The following TTN variants were observed in gnomAD, a reference collection of about 807,000 sequenced individuals.
TTN encodes titin, also known as connectin.
Under a neutral mutation model 3,223.0 loss-of-function variants are expected in TTN, and 1,525 were observed. The ratio of observed to expected loss-of-function variants is 0.47; its 90% CI spans 0.45 to 0.49. TTN has a LOEUF of 0.49. TTN is among the 20% of genes least tolerant of loss of function. The pLI, the probability that TTN is intolerant of heterozygous loss-of-function variation, is 0.00. For missense variants in TTN, 40,786 were observed against 43,424.0 expected, an observed-to-expected ratio of 0.94 and a Z score of 5.40; for synonymous variants, 14,094 against 15,161.0, an observed-to-expected ratio of 0.93 and a Z score of 5.17.
rs1454914517 is a variant in TTN at position 178,696,249 on chromosome 2, A to G, written c.30823T>C (p.Ser10275Pro). 4 of 1,548,806 alleles carry G rather than the reference A, an allele frequency of 2.6e-6. No individual in the cohort carries two copies. The South Asian group carries it at 3.7e-5, about 14-fold the overall frequency. Residue 10275 changes from serine (S) to proline (P), a missense_variant, in exon 114 of 363, where the codon TCC becomes CCC. Coordinates refer to ENST00000589042, the MANE Select transcript of TTN (RefSeq NM_001267550.2). ...ATTTTTACTTCTTCAGCTTTAGAGGATACATCAATGATTTCAGGAGCTAAA... is the reference window on the plus strand; with the variant it reads ...ATTTTTACTTCTTCAGCTTTAGAGGGTACATCAATGATTTCAGGAGCTAAA... ...PAKAPEIIDV[S>P]SKAEEVKIMT... is the part of the protein sequence containing the mutation.
Position 178,534,076 on chromosome 2 carries a change from C to T in TTN, c.102539G>A (p.Ser34180Asn), listed in dbSNP as rs1254821683. Residue 34180 changes from serine to asparagine, a missense_variant, in exon 358 of 363, where the codon AGT becomes AAT. By Grantham distance (46) the Ser-to-Asn change is conservative. Coordinates refer to ENST00000589042, the MANE Select transcript of TTN (RefSeq NM_001267550.2). ...TTCGTAGGTGATTTCGTATTTCTCA[C>T]TGTTCTCCAGCTGTCGGACGCCAAA... ...WYFGVRQLEN[S>N]EKYEITYEDG... 2.5e-6 allele frequency: 4 copies of T among 1,613,964 alleles called. No homozygotes were observed. The Admixed American group carries it at 6.7e-5, about 27-fold the overall frequency.
rs984744354 is a variant in TTN, at chr2:178,570,797, C to G, written c.75335G>C (p.Ser25112Thr). 1 of 1,613,556 alleles carries G rather than the reference C, an allele frequency of 6.2e-7. No homozygotes were observed. Among genetic ancestry groups the G allele is most frequent in the Admixed American group, 1.7e-5 (1 of 59,990 alleles). ...ARDEVDPPRI[S>T]MDPKYKDTIV... ...TGTGTCTTTGTATTTTGGATCCATA[C>G]TTATTCGTGGTGGATCTACCTCATC... Residue 25112 changes from serine (S) to threonine (T), a missense_variant, in exon 326 of 363, where the codon AGT (serine) becomes ACT (threonine). Ser to Thr is a moderately conservative substitution (Grantham distance 58). Transcript: ENST00000589042.
intron 208 of TTN, 76 bp downstream of exon 208, chr2:178,651,167 A>G: frequency 8.0e-7 from 1 of 1,254,448 alleles, no homozygotes; most frequent in Non-Finnish European, 1.1e-6. Flanking sequence ...GGACTCGCAA[A>G]CAAAAGGTTT....
At position 178,641,300 on chromosome 2, in the gene TTN, G is replaced by T. The variant is rs868031591; in HGVS notation, c.40574C>A (p.Pro13525His). The change falls in exon 220 of 363, where the codon CCT becomes CAT. Residue 13525 changes from proline (P) to histidine (H), a missense_variant. Transcript: ENST00000589042. ...VVLKSVLRKRPEEEEPKVEPK... is the reference protein window; with the variant it reads ...VVLKSVLRKRHEEEEPKVEPK... ...TTCTACTTTAGGTTCTTCTTCTTCA[G>T]GTCTTTTTCTTAGAACTTTAAAGAC... is the stretch of plus-strand genomic sequence containing the variant. 1.3e-6 allele frequency: 2 copies of T among 1,497,672 alleles called. No homozygotes were observed. The highest frequency in any genetic ancestry group is 5.0e-5 in the East Asian group (2 of 39,612). The allele number at this position is 1,497,672 out of a possible 1,614,324, so 92.8% of individuals were successfully genotyped here.
intron 45 of TTN, 137 bp from the exon 46 acceptor site, chr2:178,756,934 G>T: frequency 1.3e-6 from 1 of 760,202 alleles, no homozygotes; most frequent in Non-Finnish European, 2.1e-6. Context: ...CATGCCAGAT[G>T]CAATATGATC....
rs370563246 is a variant in TTN, at chr2:178,554,067, T to G, written c.89044A>C (p.Lys29682Gln). Residue 29682 changes from lysine (K) to glutamine (Q), a missense_variant, in exon 333 of 363, where the codon AAA becomes CAA. By Grantham distance (53) the Lys-to-Gln change is moderately conservative. Transcript: ENST00000589042. ...TCACGGATAGTCTCTTTTAGTACTT[T>G]AAACCATCCTAGGCTCTTCTTGTCT... is the stretch of plus-strand genomic sequence containing the variant. The part of the protein sequence containing the change: ...KRDKKSLGWF[K>Q]VLKETIRDTR... The G allele has an allele frequency of 1.9e-5, 30 of 1,613,742 alleles. No homozygotes were observed. Among genetic ancestry groups the G allele is most frequent in the Non-Finnish European group, 2.5e-5 (30 of 1,179,816 alleles).
In TTN at chr2:178,634,733, C is replaced by T; in HGVS notation, c.42141G>A (p.Leu14047=). Residue 14047 remains leucine (L), a synonymous_variant, in exon 229 of 363, where the codon TTG becomes TTA. Transcript: ENST00000589042. The surrounding 1 kb of genome is among the most constrained non-coding windows in gnomAD (Gnocchi z 4.6). ...CTAAAAGCCCCATACCTTTTACTGT[C>T]AAAATGGCAGTTGTAATTGCATTAA... ...QALNAITTAI[L]TVKEIELDFA... The T allele has an allele frequency of 6.2e-7, 1 of 1,613,004 alleles. No individual in the cohort carries two copies. The highest frequency in any genetic ancestry group is 8.5e-7 in the Non-Finnish European group (1 of 1,179,368).
In TTN at chr2:178,722,855, C is replaced by T. The variant is rs1578033219; in HGVS notation, c.22044G>A (p.Gly7348=). The T allele has an allele frequency of 1.9e-6, 3 of 1,613,148 alleles. No individual in the cohort carries two copies. The highest frequency in any genetic ancestry group is 2.7e-5 in the African/African-American group (2 of 74,992). The part of the protein sequence containing the change: ...DSVSLQCQVA[G]TPEITVSWYK... ...ACCAAGACACTGTAATTTCTGGTGT[C>T]CCAGCAACTTGGCATTGTAAAGAAA... Residue 7348 remains glycine (G), a synonymous_variant, in exon 76 of 363, where the codon GGG becomes GGA. Coordinates refer to ENST00000589042, the MANE Select transcript of TTN (RefSeq NM_001267550.2).
intron 292 of TTN, 106 bp downstream of exon 292, chr2:178,598,400 G>A: frequency 7.4e-7 from 1 of 1,357,490 alleles, no homozygotes; most frequent in Non-Finnish European, 1.0e-6. Flanking sequence ...CTATTTTCCT[G>A]ATTTCTTAAT....
intron 33 of TTN, chr2:178,772,879 T>C (rs1258226562): frequency 5.3e-6 from 3 of 568,214 alleles, no homozygotes; most frequent in Non-Finnish European, 9.3e-6. Flanking sequence ...CATATACAAA[T>C]GGAGAGATTA....
At position 178,534,202 on chromosome 2, in the gene TTN, A is replaced by G. The variant is rs761112704; in HGVS notation, c.102413T>C (p.Val34138Ala). The change falls in exon 358 of 363, where the codon GTT becomes GCT. Residue 34138 changes from valine to alanine, a missense_variant. Coordinates refer to ENST00000589042, the MANE Select transcript of TTN (RefSeq NM_001267550.2). ...AACTGCATGCATTATCTGCCCAGAA[A>G]CTGGGCCAATTTCAATGGATGCCAC... Reference protein sequence around the residue: ...VKVASIEIGPVSGQIMHAVGE... With the variant: ...VKVASIEIGPASGQIMHAVGE... 1.2e-6 allele frequency: 2 copies of G among 1,613,978 alleles called. No homozygotes were observed. The highest frequency in any genetic ancestry group is 8.5e-7 in the Non-Finnish European group (1 of 1,179,858).
Position 178,551,659 on chromosome 2 carries a change from C to T in TTN, c.91241G>A (p.Ser30414Asn), listed in dbSNP as rs1699490262. The T allele has an allele frequency of 1.9e-6, 3 of 1,592,724 alleles. No homozygotes were observed. Among genetic ancestry groups the T allele is most frequent in the Non-Finnish European group, 8.6e-7 (1 of 1,168,244 alleles). Residue 30414 changes from serine (S) to asparagine (N), a missense_variant, in exon 335 of 363, where the codon AGC becomes AAC. Physicochemically the swap from Ser to Asn is conservative, Grantham distance 46 (BLOSUM62 1). Coordinates refer to ENST00000589042, the MANE Select transcript of TTN (RefSeq NM_001267550.2). ...SAGLSSPSDP[S>N]KFTLAVSPVD... ...TGGAGAAACAGCTAAGGTAAATTTGCTTGGGTCACTAGGTGAGCTTAGGCC... is the reference window on the plus strand; with the variant it reads ...TGGAGAAACAGCTAAGGTAAATTTGTTTGGGTCACTAGGTGAGCTTAGGCC...
Position 178,750,929 on chromosome 2 carries a change from T to C in TTN, c.11311+2195A>G, listed in dbSNP as rs760284707. On this transcript the variant is annotated intron_variant, in intron 47 of 362. Coordinates refer to ENST00000589042, the MANE Select transcript of TTN (RefSeq NM_001267550.2). ...ATTTTCATTTACTAGAATTTCACCA[T>C]ATAAATGGTCTTTTGGTAGACTTTC... The C allele has an allele frequency of 7.4e-6, 12 of 1,612,870 alleles. No homozygotes were observed. In the East Asian group the frequency reaches 8.9e-5, roughly 12 times the overall value.
intron 88 of TTN, among the ~76,000 whole-genome samples, chr2:178,716,179 C>T (rs1447741383): frequency 2.0e-5 from 3 of 152,054 alleles, no homozygotes; most frequent in African/African-American, 7.2e-5. Context: ...CCTAAGGCTG[C>T]AATGCTATCA....
Position 178,775,597 on chromosome 2 carries a change from C to G in TTN, c.6267G>C (p.Val2089=), listed in dbSNP as rs1574648084. 6.2e-7 allele frequency: 1 copy of G among 1,614,004 alleles called. No individual in the cohort carries two copies. Among genetic ancestry groups the G allele is most frequent in the African/African-American group, 1.3e-5 (1 of 74,928 alleles). ...KIFERIQSQT[V]GQGSDAHFRV... is the part of the protein sequence containing the mutation. ...GGAAGTGTGCATCAGATCCTTGGCC[C>G]ACTGTTTGGCTCTGGATTCTTTCGA... The change falls in exon 28 of 363, where the codon GTG becomes GTC. Residue 2089 remains valine (V), a synonymous_variant. Coordinates refer to ENST00000589042, the MANE Select transcript of TTN (RefSeq NM_001267550.2).
Position 178,667,273 on chromosome 2 carries a change from C to A in TTN, c.35760G>T (p.Glu11920Asp). Residue 11920 changes from glutamate to aspartate, a missense_variant, in exon 162 of 363, where the codon GAG becomes GAT. Coordinates refer to ENST00000589042, the MANE Select transcript of TTN (RefSeq NM_001267550.2). ...RGIFPEVEPP[E>D]AIPEIPEHPP... is the part of the protein sequence containing the mutation. ...GATGTTCTGGAATTTCAGGAATAGC[C>A]TCAGGTGGCTCCACCTCTGGAAAAA... 6.2e-7 allele frequency: 1 copy of A among 1,605,360 alleles called. No homozygotes were observed. The highest frequency in any genetic ancestry group is 2.2e-5 in the East Asian group (1 of 44,684).
At chr2:178,600,562 A>C in intron 288 of TTN, 1 of 404,728 alleles carries the variant, frequency 2.5e-6, no homozygotes, top group Non-Finnish European at 4.6e-6. Flanking sequence ...TTTGAGGAGC[A>C]TGCAGAGAAA....
chr2:178,639,349 T>C (rs1021740129), intron 223 of TTN, among the ~76,000 whole-genome samples: 1 of 152,018 alleles, frequency 6.6e-6, no homozygotes, highest in Non-Finnish European at 1.5e-5. Context: ...ATAAGGGAAA[T>C]TTGAAGCTTC....
chr2:178,573,873 G>C lies in TTN; in HGVS notation c.72259C>G (p.Leu24087Val). The change falls in exon 326 of 363, where the codon CTG becomes GTG. Residue 24087 changes from leucine to valine, a missense_variant. Transcript: ENST00000589042. ...EIKIADFSTN[L>V]VNKDSTRRDS... ...CTTCTTGTTGAATCTTTGTTTACCA[G>C]ATTAGTAGAGAAATCTGCAATTTTT... 6.2e-7 allele frequency: 1 copy of C among 1,611,320 alleles called. No individual in the cohort carries two copies. The highest frequency in any genetic ancestry group is 8.5e-7 in the Non-Finnish European group (1 of 1,177,934).
Sources: allele counts gnomAD v4.1 joint callset (sites outside exome capture counted in the v4.1 genomes callset), GRCh38; gene constraint gnomAD v4.1.1; non-coding constraint Gnocchi (gnomAD v3.1); transcripts MANE v1.5; gene names NCBI Gene and HGNC (gene_info 2026-07-23, HGNC 2026-07-21).